Variants in ADARB2 observed in about 807,000 individuals in gnomAD.
ADARB2 encodes the protein inactive double-stranded RNA-specific editase B2.
In ADARB2, 25 loss-of-function variants were observed where a neutral mutation model predicts 62.2. That is an observed-to-expected ratio of 0.40 (90% confidence interval 0.29 to 0.56). The LOEUF (loss-of-function observed/expected upper bound fraction) is 0.56, where lower values mean the gene tolerates loss of function less well. Among genes scored for constraint, ADARB2 ranks in the 20% least tolerant of loss-of-function variants. ADARB2 has a pLI of 0.43. For missense variants in ADARB2, 1,071 were observed against 1,077.4 expected (o/e 0.99, Z 0.08); for synonymous variants, 572 against 500.8 (o/e 1.14, Z -1.90).
At chr10:1,559,124 G>A (rs1832753958) in intron 1 of ADARB2, among the ~76,000 whole-genome samples, 1 of 152,222 alleles carries the variant, frequency 6.6e-6, no homozygotes. Flanking sequence ...TGCAGGGCCT[G>A]TCAAATCCAA....
chr10:1,546,902 G>A (rs192110061), intron 1 of ADARB2, among the ~76,000 whole-genome samples: 1 of 152,242 alleles, frequency 6.6e-6, no homozygotes, highest in Non-Finnish European at 1.5e-5. Context: ...CTGGAGGCAG[G>A]GCTGCCAGGA....
intron 1 of ADARB2, among the ~76,000 whole-genome samples, chr10:1,609,638 G>C (rs192490443): frequency 6.6e-6 from 1 of 152,234 alleles, no homozygotes; most frequent in African/African-American, 2.4e-5. Context: ...TCTCTTAACT[G>C]TGTGTCTGTA....
intron 5 of ADARB2, 55 bp from the exon 6 acceptor site, chr10:1,233,900 C>T (rs1830834756): frequency 6.4e-7 from 1 of 1,567,664 alleles, no homozygotes. Flanking sequence ...CAGAAATGTT[C>T]CAACCAGGTG....
intron 1 of ADARB2, among the ~76,000 whole-genome samples, chr10:1,591,469 C>A (rs767725753): frequency 3.9e-5 from 6 of 152,228 alleles, no homozygotes; most frequent in Admixed American, 6.5e-5. Flanking sequence ...AGTGGGGCTG[C>A]ATTTGGGGGC....
Position 1,191,459 on chromosome 10 carries a change from T to TG in ADARB2, c.1865-6421dup, listed in dbSNP as rs201917115. ...GGTGTCCCTGAAACACTGTGTAGCC[T>TG]GGTGGTGAGCAGGGTCGGGCCCCAC... On this transcript the variant is annotated intron_variant, in intron 8 of 9. Transcript: ENST00000381312. 3.1e-3 allele frequency among the ~76,000 whole-genome samples: 472 copies of TG among 152,138 alleles called. 3 individuals carry two copies. The highest frequency in any genetic ancestry group is 0.011 in the African/African-American group (453 of 41,492).
At chr10:1,193,349 G>A (rs1442205570) in intron 8 of ADARB2, among the ~76,000 whole-genome samples, 2 of 152,178 alleles carry the variant, frequency 1.3e-5, no homozygotes, top group African/African-American at 2.4e-5. Context: ...CCATGGCAGA[G>A]GAAAGAATCT....
chr10:1,461,352 G>T (rs1425843225), intron 1 of ADARB2, among the ~76,000 whole-genome samples: 1 of 152,182 alleles, frequency 6.6e-6, no homozygotes, highest in Non-Finnish European at 1.5e-5. Context: ...CTGATGTTTG[G>T]TTCAGAAAAT....
At chr10:1,590,211 GC>G (rs1212987027) in intron 1 of ADARB2, among the ~76,000 whole-genome samples, 1 of 152,200 alleles carries the variant, frequency 6.6e-6, no homozygotes, top group Non-Finnish European at 1.5e-5. Flanking sequence ...TTCCATCTGT[GC>G]TCATTTTCAC....
chr10:1,363,211 C>G lies in ADARB2; in HGVS notation c.894G>C (p.Pro298=), dbSNP rs1049759349. 8 of 1,467,516 alleles carry G rather than the reference C, an allele frequency of 5.5e-6. No individual in the cohort carries two copies. The highest frequency in any genetic ancestry group is 2.9e-5 in the African/African-American group (2 of 68,246). The allele number at this position is 1,467,516 out of a possible 1,614,324, so 90.9% of individuals were successfully genotyped here. A position where few individuals can be genotyped will look rare whatever the true frequency, so the allele number is the denominator to read the frequency against. Reference sequence around the variant, plus strand: ...CGAAGCTCCGCGCGCGCCGCTCGGCCGGTTCTGCCAGACACACGTAGCGCA... The same window carrying G: ...CGAAGCTCCGCGCGCGCCGCTCGGCGGGTTCTGCCAGACACACGTAGCGCA... ...AGLRYVCLAE[P]AERRARSFVM... Residue 298 remains proline (P), a synonymous_variant, in exon 3 of 10, where the codon CCG becomes CCC. Transcript: ENST00000381312.
At chr10:1,649,988 G>T (rs1834090092) in intron 1 of ADARB2, among the ~76,000 whole-genome samples, 1 of 152,188 alleles carries the variant, frequency 6.6e-6, no homozygotes, top group Non-Finnish European at 1.5e-5. Flanking sequence ...GTCACTGGCT[G>T]GGCTGCGTAT....
intron 1 of ADARB2, among the ~76,000 whole-genome samples, chr10:1,495,505 T>C (rs1004570120): frequency 5.9e-5 from 9 of 152,226 alleles, no homozygotes; most frequent in Non-Finnish European, 1.2e-4. Context: ...TATACCCAGG[T>C]TGATGAATAG....
intron 1 of ADARB2, among the ~76,000 whole-genome samples, chr10:1,526,281 G>C (rs180695821): frequency 6.6e-6 from 1 of 152,238 alleles, no homozygotes; most frequent in Admixed American, 6.5e-5. Context: ...TCATTAACGA[G>C]CATGCCTGGA....
At chr10:1,589,189 T>A (rs1295875601) in intron 1 of ADARB2, among the ~76,000 whole-genome samples, 1 of 152,356 alleles carries the variant, frequency 6.6e-6, no homozygotes, top group African/African-American at 2.4e-5. Flanking sequence ...TCTGCCACAT[T>A]TGTGGCGAAC....
chr10:1,636,552 G>A, intron 1 of ADARB2, among the ~76,000 whole-genome samples: 1 of 151,928 alleles, frequency 6.6e-6, no homozygotes, highest in East Asian at 1.9e-4. Context: ...AATGTGGGGG[G>A]AGGCTCCGCA....
chr10:1,353,027 G>A (rs11250443), intron 3 of ADARB2, among the ~76,000 whole-genome samples: 58,398 of 151,842 alleles, frequency 0.38, 12,605 homozygotes, highest in East Asian at 0.83. Context: ...TTTCCTTTCC[G>A]TTGTAGAAAT....
At chr10:1,530,341 T>C (rs953663777) in intron 1 of ADARB2, among the ~76,000 whole-genome samples, 5 of 152,186 alleles carry the variant, frequency 3.3e-5, no homozygotes, top group Non-Finnish European at 5.9e-5. Context: ...ACCCACAACA[T>C]TCCCTCCTCC....
chr10:1,339,806 A>C (rs756189715), intron 3 of ADARB2, among the ~76,000 whole-genome samples: 10 of 152,232 alleles, frequency 6.6e-5, no homozygotes, highest in Non-Finnish European at 1.2e-4. Context: ...CCAAGTGCAG[A>C]CTTTCAAAAA....
At chr10:1,558,151 C>A (rs1564329892) in intron 1 of ADARB2, among the ~76,000 whole-genome samples, 1 of 152,120 alleles carries the variant, frequency 6.6e-6, no homozygotes, top group African/African-American at 2.4e-5. Flanking sequence ...ATCCTTCCCA[C>A]CCCCAGGCTG....
chr10:1,594,980 A>G (rs930400027), intron 1 of ADARB2, among the ~76,000 whole-genome samples: 14 of 152,192 alleles, frequency 9.2e-5, no homozygotes, highest in African/African-American at 3.1e-4. Context: ...GCTGTGCTGC[A>G]GGATCTGAGG....
Sources: gnomAD v4.1 joint callset for allele counts (sites outside exome capture counted in the v4.1 genomes callset) on GRCh38, gnomAD v4.1.1 for gene constraint, MANE v1.5 for transcripts, NCBI Gene and HGNC (gene_info 2026-07-23, HGNC 2026-07-21) for gene names.